Variants in TAFA3 observed in about 807,000 individuals in gnomAD.
The protein encoded by TAFA3 is TAFA chemokine like family member 3, also known as chemokine-like protein TAFA-3.
A neutral mutation model predicts 20.7 loss-of-function variants in TAFA3; 17 were observed. That is an observed-to-expected ratio of 0.82 (90% CI 0.56 to 1.23). The LOEUF (loss-of-function observed/expected upper bound fraction) is 1.23, where lower values mean the gene tolerates loss of function less well. Ranked by LOEUF, TAFA3 falls within the 50% of genes most tolerant of loss-of-function variation. The probability of loss-of-function intolerance (pLI) is 0.00; values close to 1 mark genes in which losing one functional copy is unlikely to be tolerated. For missense variants in TAFA3, 174 were observed against 172.8 expected, an observed-to-expected ratio of 1.01 and a Z score of -0.04; for synonymous variants, 74 against 71.8, an observed-to-expected ratio of 1.03 and a Z score of -0.16.
At chr1:112,725,410 A>AAT (rs1675445170) in intron 5 of TAFA3, among the ~76,000 whole-genome samples, 2 of 152,016 alleles carry the variant, frequency 1.3e-5, no homozygotes, top group African/African-American at 4.8e-5. Flanking sequence ...AAAAAAAAAA[A>AAT]AAAAACATAG....
At chr1:112,723,923 GA>G in intron 4 of TAFA3, 89 bp from the exon 5 acceptor site, 1 of 1,612,336 alleles carries the variant, frequency 6.2e-7, no homozygotes, top group Non-Finnish European at 8.5e-7. Context: ...GGGGTGTGTG[GA>G]AACGTGCACC....
At chr1:112,725,057 T>TA (rs918696700) in intron 5 of TAFA3, among the ~76,000 whole-genome samples, 1 of 151,794 alleles carries the variant, frequency 6.6e-6, no homozygotes, top group Non-Finnish European at 1.5e-5. Context: ...TACACAGCCA[T>TA]AAAAAAAATA....
In TAFA3 at chr1:112,726,996, G is replaced by A. The variant is rs1675487508; in HGVS notation, c.*356G>A. The stretch of plus-strand genomic sequence containing the variant: ...GGCCACATGCTATGGCATGATGGGG[G>A]TTTGGGAATGAGATTCCCACAGTTC... On this transcript the variant is annotated 3_prime_UTR_variant, in exon 6 of 6. Transcript: ENST00000361886. The A allele has an allele frequency of 7.2e-6, 2 of 278,094 alleles. No homozygotes were observed. The highest frequency in any genetic ancestry group is 5.7e-5 in the South Asian group (1 of 17,578). 17.2% of individuals were successfully genotyped at this position (278,094 alleles called of 1,614,324 possible). A position where few individuals can be genotyped will look rare whatever the true frequency, so the allele number is the denominator to read the frequency against.
At chr1:112,722,392 C>A in intron 3 of TAFA3, 44 bp downstream of exon 3, 1 of 1,529,528 alleles carries the variant, frequency 6.5e-7, no homozygotes, top group Non-Finnish European at 9.0e-7. Flanking sequence ...TTTCCCAGGA[C>A]ACCTGGGGAG....
intron 5 of TAFA3, among the ~76,000 whole-genome samples, chr1:112,725,454 G>A (rs1482366247): frequency 6.6e-6 from 1 of 150,650 alleles, no homozygotes; most frequent in African/African-American, 2.4e-5. Flanking sequence ...ATAATTGAGG[G>A]AGGAATTGCT....
chr1:112,726,819 C>T lies in TAFA3; in HGVS notation c.*179C>T. The T allele has an allele frequency of 1.2e-6, 1 of 866,050 alleles. No homozygotes were observed. Among genetic ancestry groups the T allele is most frequent in the Non-Finnish European group, 1.8e-6 (1 of 552,386 alleles). The allele number at this position is 866,050 out of a possible 1,614,324, so 53.6% of individuals were successfully genotyped here. A position where few individuals can be genotyped will look rare whatever the true frequency, so the allele number is the denominator to read the frequency against. On this transcript the variant is annotated 3_prime_UTR_variant, in exon 6 of 6. Coordinates refer to ENST00000361886, the MANE Select transcript of TAFA3 (RefSeq NM_182759.3). Reference sequence around the variant, plus strand: ...CAGCAGATATGGATGGATCTGCAATCACATACCTAATGTGGAGCTGGGCTT... The same window carrying T: ...CAGCAGATATGGATGGATCTGCAATTACATACCTAATGTGGAGCTGGGCTT...
intron 1 of TAFA3, among the ~76,000 whole-genome samples, 54 bp downstream of exon 1, chr1:112,719,353 G>T (rs1466662788): frequency 6.6e-6 from 1 of 152,202 alleles, no homozygotes; most frequent in Non-Finnish European, 1.5e-5. Context: ...GGCGTTAGGG[G>T]GGTTTGTGGG....
intron 5 of TAFA3, among the ~76,000 whole-genome samples, chr1:112,726,077 C>T (rs534578391): frequency 5.1e-4 from 78 of 151,964 alleles, no homozygotes; most frequent in Admixed American, 3.0e-3. Flanking sequence ...GCAGAAGTTG[C>T]GGTAAGCAGA....
At chr1:112,719,498 G>A (rs932795740) in intron 1 of TAFA3, among the ~76,000 whole-genome samples, 199 bp downstream of exon 1, 4 of 152,186 alleles carry the variant, frequency 2.6e-5, no homozygotes, top group East Asian at 3.8e-4. Context: ...TGAGGCAGGA[G>A]CATGGAAGTC....
chr1:112,723,301 C>G, intron 4 of TAFA3, 136 bp downstream of exon 4: 1 of 1,207,774 alleles, frequency 8.3e-7, no homozygotes, highest in Non-Finnish European at 1.1e-6. Context: ...TGGTGGGGCC[C>G]CCTCTGGGAG....
rs765858203 is a variant in TAFA3, at chr1:112,723,137, C to A, written c.237C>A (p.Thr79=). The A allele has an allele frequency of 1.2e-5, 19 of 1,613,260 alleles. No homozygotes were observed. The highest frequency in any genetic ancestry group is 1.6e-5 in the Non-Finnish European group (19 of 1,179,848). Residue 79 remains threonine, a synonymous_variant, in exon 4 of 6, where the codon ACC becomes ACA. Coordinates refer to ENST00000361886, the MANE Select transcript of TAFA3 (RefSeq NM_182759.3). ...GTTTTTCTGGCCAGGTGGCCGGCAC[C>A]ACGCGGGCAAAGCCCTCCTGCGTGG... The part of the protein sequence containing the change: ...CSCFSGQVAG[T]TRAKPSCVDA...
At chr1:112,725,246 G>A (rs1320126151) in intron 5 of TAFA3, among the ~76,000 whole-genome samples, 3 of 152,064 alleles carry the variant, frequency 2.0e-5, no homozygotes, top group African/African-American at 7.2e-5. Context: ...AGAGGGAGGG[G>A]AGCAAGGGCT....
rs569227780 is a variant in TAFA3, at chr1:112,724,037, G to A, written c.290G>A (p.Trp97Ter). 1 of 1,613,964 alleles carries A rather than the reference G, an allele frequency of 6.2e-7. No homozygotes were observed. Among genetic ancestry groups the A allele is most frequent in the East Asian group, 2.2e-5 (1 of 44,880 alleles). ...VDASIVLQRW[W>*]CQMEPCLPGE... ...GCCTCCATCGTCCTGCAGAGATGGT[G>A]GTGTCAGATGGAGCCCTGCCTGCCG... The change falls in exon 5 of 6, where the codon TGG becomes TAG. Residue 97 changes from tryptophan (W) to a stop codon, truncating the protein, a stop_gained. Coordinates refer to ENST00000361886, the MANE Select transcript of TAFA3 (RefSeq NM_182759.3). LOFTEE classifies it high-confidence loss of function.
At chr1:112,724,185 A>G (rs1237831020) in intron 5 of TAFA3, 48 bp downstream of exon 5, 1 of 1,466,766 alleles carries the variant, frequency 6.8e-7, no homozygotes, top group South Asian at 1.4e-5. Flanking sequence ...CCTCTCTACC[A>G]AGGGCAGAAA....
intron 2 of TAFA3, among the ~76,000 whole-genome samples, chr1:112,721,448 G>A (rs1456617052): frequency 6.6e-6 from 1 of 152,068 alleles, no homozygotes; most frequent in South Asian, 2.1e-4. Context: ...GGAGTAGCTG[G>A]GACTATAGGT....
chr1:112,723,383 T>G (rs1675378482), intron 4 of TAFA3, among the ~76,000 whole-genome samples: 1 of 152,066 alleles, frequency 6.6e-6, no homozygotes, highest in African/African-American at 2.4e-5. Context: ...CCTCCCACAC[T>G]CACGTGCCCT....
chr1:112,723,692 T>C (rs1221111542), intron 4 of TAFA3, among the ~76,000 whole-genome samples: 1 of 152,110 alleles, frequency 6.6e-6, no homozygotes, highest in Non-Finnish European at 1.5e-5. Flanking sequence ...ACACCCTTGC[T>C]CACACACCAC....
At chr1:112,724,295 G>A (rs1344368569) in intron 5 of TAFA3, among the ~76,000 whole-genome samples, 158 bp downstream of exon 5, 1 of 152,014 alleles carries the variant, frequency 6.6e-6, no homozygotes, top group Admixed American at 6.6e-5. Context: ...TGTTCTCACT[G>A]GGGACTGGAG....
At chr1:112,722,521 A>C (rs1236773320) in intron 3 of TAFA3, among the ~76,000 whole-genome samples, 173 bp downstream of exon 3, 1 of 151,950 alleles carries the variant, frequency 6.6e-6, no homozygotes, top group Admixed American at 6.5e-5. Flanking sequence ...TGCCCACCCC[A>C]GCTGTCCCGC....
Sources: gnomAD v4.1 joint callset for allele counts (sites outside exome capture counted in the v4.1 genomes callset) on GRCh38, gnomAD v4.1.1 for gene constraint, MANE v1.5 for transcripts, NCBI Gene and HGNC (gene_info 2026-07-23, HGNC 2026-07-21) for gene names.